The following EVA1A variants were observed in gnomAD, a reference collection of about 807,000 sequenced individuals.
EVA1A encodes the protein eva-1 homolog A, regulator of programmed cell death.
EVA1A carries 7 observed loss-of-function variants against 9.8 expected under a neutral mutation model. The observed-to-expected ratio is 0.71, with a 90% CI of 0.41 to 1.34. EVA1A has a LOEUF of 1.34. Ranked by LOEUF, EVA1A falls within the 40% of genes most tolerant of loss-of-function variation. The pLI is 0.01. For synonymous variants in EVA1A, 90 were observed against 85.6 expected (o/e 1.05, Z -0.28); for missense variants, 206 against 205.9 (o/e 1.00, Z 0.00).
intron 1 of EVA1A, among the ~76,000 whole-genome samples, chr2:75,557,898 C>T (rs143319951): frequency 6.6e-6 from 1 of 152,374 alleles, no homozygotes; most frequent in Non-Finnish European, 1.5e-5. Context: ...GACTTAGGCT[C>T]TCATTAATGC....
At chr2:75,551,910 G>A (rs891985738) in intron 1 of EVA1A, among the ~76,000 whole-genome samples, 2 of 152,180 alleles carry the variant, frequency 1.3e-5, no homozygotes, top group African/African-American at 4.8e-5. Flanking sequence ...GCCGGGCACC[G>A]TAGCTCATGC....
chr2:75,493,515 G>A lies in EVA1A; in HGVS notation c.180C>T (p.His60=). 1 of 1,614,222 alleles carries A rather than the reference G, an allele frequency of 6.2e-7. No homozygotes were observed. The highest frequency in any genetic ancestry group is 8.5e-7 in the Non-Finnish European group (1 of 1,180,050). ...LAALVIRISC[H]TDCRRRPGKK... ...TCCCGGGACGCCGCCTGCAGTCTGTGTGGCAAGAGATCCTTATCACCAGAG... is the reference window on the plus strand; with the variant it reads ...TCCCGGGACGCCGCCTGCAGTCTGTATGGCAAGAGATCCTTATCACCAGAG... Residue 60 remains histidine (H), a synonymous_variant, in exon 4 of 4, where the codon CAC becomes CAT. Transcript: ENST00000393913.
chr2:75,538,947 G>A (rs558998349), intron 1 of EVA1A, among the ~76,000 whole-genome samples: 4 of 152,272 alleles, frequency 2.6e-5, no homozygotes, highest in African/African-American at 7.2e-5. Flanking sequence ...TCAACATCCC[G>A]GTTGTGATAT....
At chr2:75,543,155 C>T (rs1183958381) in intron 1 of EVA1A, among the ~76,000 whole-genome samples, 1 of 152,180 alleles carries the variant, frequency 6.6e-6, no homozygotes, top group Non-Finnish European at 1.5e-5. Context: ...TTGAATAATT[C>T]TGACCGAATC....
upstream of EVA1A, among the ~76,000 whole-genome samples, chr2:75,562,519 T>C (rs1016293478): frequency 1.3e-5 from 2 of 152,232 alleles, no homozygotes; most frequent in African/African-American, 4.8e-5. Context: ...ACTGGTCTGG[T>C]AGAAAGGGCC....
Position 75,493,029 on chromosome 2 carries a change from A to G in EVA1A, c.*207T>C, listed in dbSNP as rs1558667798. On this transcript the variant is annotated 3_prime_UTR_variant, in exon 4 of 4. Coordinates refer to ENST00000393913, the MANE Select transcript of EVA1A (RefSeq NM_001135032.2). ...TTTCAGCACCATTCCGAGACCTGGAAAGGGTGATGAACTGCTTTGATTTTT... is the reference window on the plus strand; with the variant it reads ...TTTCAGCACCATTCCGAGACCTGGAGAGGGTGATGAACTGCTTTGATTTTT... The G allele has an allele frequency of 3.0e-6, 2 of 667,752 alleles. No homozygotes were observed. Among genetic ancestry groups the G allele is most frequent in the Admixed American group, 2.7e-5 (1 of 36,418 alleles). The allele number at this position is 667,752 out of a possible 1,614,324, so 41.4% of individuals were successfully genotyped here.
intron 2 of EVA1A, among the ~76,000 whole-genome samples, chr2:75,519,884 A>C (rs1385632876): frequency 6.6e-6 from 1 of 152,078 alleles, no homozygotes. Flanking sequence ...TTTTGCAACA[A>C]TCTCCTACCT....
intron 1 of EVA1A, chr2:75,569,352 C>T (rs1044479171): frequency 1.3e-5 from 2 of 152,612 alleles, no homozygotes; most frequent in Non-Finnish European, 2.9e-5. Flanking sequence ...TTAAAGTCCC[C>T]CATGGCTGCC....
chr2:75,533,680 T>C (rs1386878363), intron 1 of EVA1A, among the ~76,000 whole-genome samples: 1 of 152,018 alleles, frequency 6.6e-6, no homozygotes, highest in East Asian at 1.9e-4. Flanking sequence ...CTCACACCTG[T>C]AATCCCAGCG....
chr2:75,547,980 G>A (rs1480294400), intron 1 of EVA1A, among the ~76,000 whole-genome samples: 1 of 152,218 alleles, frequency 6.6e-6, no homozygotes, highest in African/African-American at 2.4e-5. Flanking sequence ...ACAGACTGTA[G>A]GTCCACAAAG....
upstream of EVA1A, among the ~76,000 whole-genome samples, chr2:75,563,113 G>A (rs1035696901): frequency 2.6e-5 from 4 of 152,226 alleles, no homozygotes; most frequent in Admixed American, 6.5e-5. Context: ...TCACTGGGCT[G>A]TGTCTCACTT....
In EVA1A at chr2:75,556,308, C is replaced by T. The variant is rs145962780; in HGVS notation, c.-192+4372G>A. On this transcript the variant is annotated intron_variant, in intron 1 of 3. Transcript: ENST00000393913. ...AAGTGTATCTCCCTAGAACTAGAGACACAAAGCAGGGGCCAGCTTCATTAG... is the reference window on the plus strand; with the variant it reads ...AAGTGTATCTCCCTAGAACTAGAGATACAAAGCAGGGGCCAGCTTCATTAG... 3.3e-4 allele frequency among the ~76,000 whole-genome samples: 51 copies of T among 152,290 alleles called. 1 individual carries two copies. In the East Asian group the frequency reaches 9.3e-3, roughly 28 times the overall value.
At chr2:75,568,435 C>T (rs1022376330) in intron 1 of EVA1A, among the ~76,000 whole-genome samples, 9 of 149,908 alleles carry the variant, frequency 6.0e-5, no homozygotes, top group African/African-American at 9.8e-5. Context: ...GATTCTGGAC[C>T]CATTTCTAGA....
intron 3 of EVA1A, among the ~76,000 whole-genome samples, chr2:75,509,574 C>A (rs1674739334): frequency 6.6e-6 from 1 of 152,058 alleles, no homozygotes; most frequent in South Asian, 2.1e-4. Flanking sequence ...GCATATTGTA[C>A]AGTTGTTTTG....
chr2:75,542,918 C>T (rs545709579), intron 1 of EVA1A, among the ~76,000 whole-genome samples: 17 of 152,124 alleles, frequency 1.1e-4, no homozygotes, highest in African/African-American at 2.2e-4. Context: ...CATCTGCAGA[C>T]GTATGAAGCT....
chr2:75,517,663 CCACA>C, intron 3 of EVA1A: 1 of 627,372 alleles, frequency 1.6e-6, no homozygotes, highest in Middle Eastern at 2.7e-4. Context: ...ACTCTCTCTC[CCACA>C]CACACAGTCT....
intron 3 of EVA1A, among the ~76,000 whole-genome samples, chr2:75,508,267 C>A (rs539065664): frequency 6.6e-5 from 10 of 152,218 alleles, no homozygotes; most frequent in African/African-American, 2.4e-4. Context: ...ACCTGAAACT[C>A]TGACTGCCGG....
At chr2:75,561,392 T>C (rs989758122), upstream of EVA1A, 12 of 135,408 alleles carry the variant, frequency 8.9e-5, no homozygotes, top group Admixed American at 8.2e-4. Context: ...TTTTTTTTTT[T>C]CTGAGTGGGA....
At chr2:75,560,323 C>G (rs995619927) in intron 1 of EVA1A, among the ~76,000 whole-genome samples, 1 of 152,204 alleles carries the variant, frequency 6.6e-6, no homozygotes, top group Admixed American at 6.5e-5. Flanking sequence ...CAGTCAGGCT[C>G]AGCCCAGCTC....
Sources: gnomAD v4.1 joint callset for allele counts (sites outside exome capture counted in the v4.1 genomes callset) on GRCh38, gnomAD v4.1.1 for gene constraint, MANE v1.5 for transcripts, NCBI Gene and HGNC (gene_info 2026-07-23, HGNC 2026-07-21) for gene names.